VPS26B: variants seen among roughly 807,000 people sequenced by gnomAD.
VPS26B encodes vacuolar protein sorting-associated protein 26B.
Under a neutral mutation model 33.3 loss-of-function variants are expected in VPS26B, and 10 were observed. The observed-to-expected ratio is 0.30, with a 90% confidence interval of 0.19 to 0.51. VPS26B has a LOEUF of 0.51. VPS26B is among the 20% of genes least tolerant of loss of function. The pLI, the probability that VPS26B is intolerant of heterozygous loss-of-function variation, is 0.98. For synonymous variants in VPS26B, 190 were observed against 176.9 expected (o/e 1.07, Z -0.59); for missense variants, 317 against 452.7 (o/e 0.70, Z 2.72).
intron 4 of VPS26B, 113 bp downstream of exon 4, chr11:134,243,407 G>C: frequency 7.9e-7 from 1 of 1,271,382 alleles, no homozygotes; most frequent in South Asian, 1.5e-5. Context: ...CTCTTAACCT[G>C]TAACTTCTTA....
Position 134,244,741 on chromosome 11 carries a change from A to G in VPS26B, c.722-197A>G. ...TCGAGAAGACATGAGAAGCTGCAAC[A>G]TGACCTGGAGTGGAACTGGAGAGTC... On this transcript the variant is annotated intron_variant, in intron 4 of 5. Transcript: ENST00000281187. This position sits in a 1 kb window ranked among gnomAD's most constrained non-coding sequence, Gnocchi z 4.0. 1 of 609,770 alleles carries G rather than the reference A, an allele frequency of 1.6e-6. No individual in the cohort carries two copies. Among genetic ancestry groups the G allele is most frequent in the South Asian group, 2.5e-5 (1 of 40,328 alleles). The allele number at this position is 609,770 out of a possible 1,614,324, so 37.8% of individuals were successfully genotyped here. A position where few individuals can be genotyped will look rare whatever the true frequency, so the allele number is the denominator to read the frequency against.
chr11:134,241,734 T>G lies in VPS26B; in HGVS notation c.546-1385T>G, dbSNP rs992002138. On this transcript the variant is annotated intron_variant, in intron 3 of 5. Transcript: ENST00000281187. ...CTAGAGAGGCAGGGACGGGACACTT[T>G]CAGACCACACCTCTCCTTGCACAGC... is the stretch of plus-strand genomic sequence containing the variant. Among the ~76,000 whole-genome samples the G allele has an allele frequency of 2.6e-5, 4 of 152,242 alleles. No homozygotes were observed. In the East Asian group the frequency reaches 7.7e-4, roughly 29 times the overall value.
At chr11:134,233,410 C>T (rs765365819) in intron 1 of VPS26B, among the ~76,000 whole-genome samples, 9 of 152,210 alleles carry the variant, frequency 5.9e-5, no homozygotes, top group Non-Finnish European at 1.0e-4. Flanking sequence ...TGTGGCCATG[C>T]ATAGCCACAG....
At chr11:134,235,192 A>G (rs1204922831) in intron 2 of VPS26B, 139 bp downstream of exon 2, 2 of 1,139,338 alleles carry the variant, frequency 1.8e-6, no homozygotes, top group African/African-American at 3.1e-5. Flanking sequence ...GTGCTGGTAA[A>G]CCATTAACCG....
In VPS26B at chr11:134,247,071, C is replaced by CGCCT. The variant is rs1422016073; in HGVS notation, c.*1481_*1482insGCCT. On this transcript the variant is annotated 3_prime_UTR_variant, in exon 6 of 6. Transcript: ENST00000281187. ...TTCCTGAGATCAGTGCAGTCTCAGG[C>CGCCT]CTTTGGCAGGGCTCATGGATCAGAG... 6.6e-6 allele frequency: 1 copy of CGCCT among 152,118 alleles called. No homozygotes were observed. The highest frequency in any genetic ancestry group is 2.4e-5 in the African/African-American group (1 of 41,400). The allele number at this position is 152,118 out of a possible 1,614,324, so 9.4% of individuals were successfully genotyped here.
At chr11:134,232,143 C>G (rs1253073856) in intron 1 of VPS26B, among the ~76,000 whole-genome samples, 2 of 150,030 alleles carry the variant, frequency 1.3e-5, no homozygotes, top group African/African-American at 4.9e-5. Context: ...AAAACTTACT[C>G]AGTTCCTACT....
chr11:134,230,743 A>G (rs1938544624), intron 1 of VPS26B, among the ~76,000 whole-genome samples: 5 of 152,240 alleles, frequency 3.3e-5, no homozygotes, highest in Admixed American at 2.6e-4. Flanking sequence ...CACTGCTCAG[A>G]TGTGGCAGTT....
In VPS26B at chr11:134,245,100, A is replaced by G. The variant is rs760962049; in HGVS notation, c.864+20A>G. The G allele has an allele frequency of 3.1e-6, 5 of 1,613,278 alleles. No homozygotes were observed. The highest frequency in any genetic ancestry group is 2.5e-6 in the Non-Finnish European group (3 of 1,179,752). ...CAGCAGGTGAGGGCCAGGCTCCTCCAGGCCCCGATGCCCTTGGGACAGAAC... is the reference window on the plus strand; with the variant it reads ...CAGCAGGTGAGGGCCAGGCTCCTCCGGGCCCCGATGCCCTTGGGACAGAAC... On this transcript the variant is annotated intron_variant, in intron 5 of 5. Coordinates refer to ENST00000281187, the MANE Select transcript of VPS26B (RefSeq NM_052875.5). The surrounding 1 kb of genome is among the most constrained non-coding windows in gnomAD (Gnocchi z 4.7).
intron 2 of VPS26B, chr11:134,235,294 T>G (rs374245511): frequency 2.0e-5 from 8 of 398,764 alleles, no homozygotes; most frequent in African/African-American, 1.4e-4. Flanking sequence ...TCAAGCTACC[T>G]AATGTTCCTA....
intron 2 of VPS26B, among the ~76,000 whole-genome samples, chr11:134,238,190 G>A (rs556666199): frequency 4.6e-5 from 7 of 152,278 alleles, no homozygotes; most frequent in Admixed American, 1.3e-4. Flanking sequence ...TCCTCTCCTG[G>A]TGATTTCATT....
intron 2 of VPS26B, 183 bp downstream of exon 2, chr11:134,235,236 T>A: frequency 1.5e-6 from 1 of 677,594 alleles, no homozygotes; most frequent in South Asian, 2.0e-5. Context: ...CCCTAGGTTG[T>A]AGCATGTGTC....
intron 1 of VPS26B, among the ~76,000 whole-genome samples, chr11:134,227,116 A>G (rs1326983299): frequency 1.3e-5 from 2 of 152,146 alleles, no homozygotes; most frequent in East Asian, 3.9e-4. Flanking sequence ...GCCTCTACTG[A>G]CCAGACAACA....
chr11:134,225,461 T>C (rs1938436166), intron 1 of VPS26B, 116 bp downstream of exon 1: 4 of 1,036,320 alleles, frequency 3.9e-6, no homozygotes, highest in Middle Eastern at 2.0e-4. Context: ...AACTGCAGTC[T>C]GAGGCCTGGG....
intron 1 of VPS26B, among the ~76,000 whole-genome samples, chr11:134,228,215 A>G (rs1486731097): frequency 1.3e-5 from 2 of 152,128 alleles, no homozygotes; most frequent in African/African-American, 2.4e-5. Flanking sequence ...CCTGAAATAC[A>G]CACATGGACA....
Position 134,245,483 on chromosome 11 carries a change from A to G in VPS26B, c.904A>G (p.Ser302Gly). 1.2e-6 allele frequency: 2 copies of G among 1,613,968 alleles called. No homozygotes were observed. Among genetic ancestry groups the G allele is most frequent in the Non-Finnish European group, 1.7e-6 (2 of 1,179,904 alleles). Residue 302 changes from serine to glycine, a missense_variant, in exon 6 of 6, where the codon AGC becomes GGC. Physicochemically the swap from Ser to Gly is moderately conservative, Grantham distance 56. Transcript: ENST00000281187. The surrounding 1 kb of genome is among the most constrained non-coding windows in gnomAD (Gnocchi z 4.7). ...GCGGAAGGGTGACATCGTACGGAAG[A>G]GCATGTCCCACCAGGCGGCCATCGC... ...LWRKGDIVRK[S>G]MSHQAAIASQ...
At chr11:134,225,829 C>A (rs1277751116) in intron 1 of VPS26B, among the ~76,000 whole-genome samples, 1 of 152,136 alleles carries the variant, frequency 6.6e-6, no homozygotes. Flanking sequence ...CCCGCACCAA[C>A]CCGTTTTTCT....
chr11:134,245,884 TAGAGG>T lies in VPS26B; in HGVS notation c.*297_*301del, dbSNP rs1938808447. ...TTCCTCGGGGGGCTGCCTTGCGTCT[TAGAGG>T]AGGGAGAGCAGAGAGCACGCATCCT... is the stretch of plus-strand genomic sequence containing the variant. On this transcript the variant is annotated 3_prime_UTR_variant, in exon 6 of 6. Coordinates refer to ENST00000281187, the MANE Select transcript of VPS26B (RefSeq NM_052875.5). This position sits in a 1 kb window ranked among gnomAD's most constrained non-coding sequence, Gnocchi z 4.7. 2.6e-6 allele frequency: 1 copy of T among 386,502 alleles called. No homozygotes were observed. The highest frequency in any genetic ancestry group is 4.8e-6 in the Non-Finnish European group (1 of 208,042). The allele number at this position is 386,502 out of a possible 1,614,324, so 23.9% of individuals were successfully genotyped here.
intron 3 of VPS26B, among the ~76,000 whole-genome samples, chr11:134,241,898 A>G (rs1004776335): frequency 4.6e-5 from 7 of 152,212 alleles, no homozygotes; most frequent in African/African-American, 1.7e-4. Flanking sequence ...TAAAACGAGG[A>G]GCTTGGACCA....
intron 2 of VPS26B, among the ~76,000 whole-genome samples, chr11:134,238,859 T>A (rs2136051048): frequency 6.6e-6 from 1 of 152,310 alleles, no homozygotes. Flanking sequence ...CCTCCCAAAG[T>A]GCTGGGATTA....
Sources: gnomAD v4.1 joint callset for allele counts (sites outside exome capture counted in the v4.1 genomes callset) on GRCh38, gnomAD v4.1.1 for gene constraint, Gnocchi (gnomAD v3.1) non-coding constraint, MANE v1.5 for transcripts, NCBI Gene and HGNC (gene_info 2026-07-23, HGNC 2026-07-21) for gene names.